The following RCOR3 variants were observed in gnomAD, a reference collection of about 807,000 sequenced individuals.
The protein encoded by RCOR3 is REST corepressor 3.
A neutral mutation model predicts 64.1 loss-of-function variants in RCOR3; 13 were observed. The ratio of observed to expected loss-of-function variants is 0.20; its 90% CI spans 0.13 to 0.32. RCOR3 has a LOEUF of 0.32. Ranked by LOEUF, RCOR3 falls within the 10% of genes least tolerant of loss-of-function variation. The pLI is 1.00. For synonymous variants in RCOR3, 215 were observed against 239.0 expected (o/e 0.90, Z 0.93); for missense variants, 489 against 701.2 (o/e 0.70, Z 3.42).
intron 10 of RCOR3, among the ~76,000 whole-genome samples, chr1:211,308,000 T>G (rs959656907): frequency 6.6e-6 from 1 of 150,566 alleles, no homozygotes; most frequent in African/African-American, 2.4e-5. Context: ...TTGTCTTCTC[T>G]CTTGTACTAA....
chr1:211,304,012 T>A (rs1571991944), intron 9 of RCOR3, 71 bp from the exon 10 acceptor site: 1 of 1,046,122 alleles, frequency 9.6e-7, no homozygotes, highest in East Asian at 2.5e-5. Flanking sequence ...GATGAAAATT[T>A]AAAAAAATAA....
intron 10 of RCOR3, among the ~76,000 whole-genome samples, chr1:211,304,442 G>A (rs986865540): frequency 6.6e-6 from 1 of 152,086 alleles, no homozygotes; most frequent in Non-Finnish European, 1.5e-5. Flanking sequence ...TCCTGCAGTT[G>A]GGTTCGTTCT....
rs1701856585 is a variant in RCOR3, at chr1:211,316,214, C to A, written c.*2446C>A. Reference sequence around the variant, plus strand: ...TTAAAATTACATAACTAAAAATAAACCACACTGTGGATACATCTTATAAAA... The same window carrying A: ...TTAAAATTACATAACTAAAAATAAAACACACTGTGGATACATCTTATAAAA... On this transcript the variant is annotated 3_prime_UTR_variant, in exon 12 of 12. Coordinates refer to ENST00000419091, the MANE Select transcript of RCOR3 (RefSeq NM_001136223.3). The A allele has an allele frequency of 1.3e-5, 2 of 152,048 alleles. No homozygotes were observed. Among genetic ancestry groups the A allele is most frequent in the Admixed American group, 6.5e-5 (1 of 15,276 alleles). 9.4% of individuals were successfully genotyped at this position (152,048 alleles called of 1,614,324 possible).
Position 211,313,469 on chromosome 1 carries a change from G to T in RCOR3, c.1363G>T (p.Ala455Ser), listed in dbSNP as rs776505207. 2 of 1,613,944 alleles carry T rather than the reference G, an allele frequency of 1.2e-6. No individual in the cohort carries two copies. Among genetic ancestry groups the T allele is most frequent in the South Asian group, 2.2e-5 (2 of 91,052 alleles). ...APRTLGPSPP[A>S]PSSTPTPTAP... The stretch of plus-strand genomic sequence containing the variant: ...TCGGACACTGGGTCCATCACCTCCT[G>T]CCCCATCATCCACTCCAACACCAAC... The change falls in exon 12 of 12, where the codon GCC (alanine) becomes TCC (serine). Residue 455 changes from alanine (A) to serine (S), a missense_variant. By Grantham distance (99) the Ala-to-Ser change is moderately conservative. Transcript: ENST00000419091. The surrounding 1 kb of genome is among the most constrained non-coding windows in gnomAD (Gnocchi z 4.7).
chr1:211,272,714 C>T (rs1032672013), intron 3 of RCOR3, among the ~76,000 whole-genome samples: 9 of 145,054 alleles, frequency 6.2e-5, no homozygotes, highest in African/African-American at 2.0e-4. Context: ...CTCCGCCTCC[C>T]GGGTTCACGC....
intron 7 of RCOR3, among the ~76,000 whole-genome samples, chr1:211,282,778 C>T (rs1247469630): frequency 1.3e-5 from 2 of 152,154 alleles, no homozygotes; most frequent in East Asian, 1.9e-4. Context: ...GGATTACAGG[C>T]GTGAGCCACC....
At chr1:211,267,954 A>C in intron 2 of RCOR3, 1 of 295,596 alleles carries the variant, frequency 3.4e-6, no homozygotes, top group Non-Finnish European at 6.6e-6. Flanking sequence ...TTGAGAAGGG[A>C]CATTTAATGA....
At chr1:211,300,653 T>G (rs748971508) in intron 9 of RCOR3, among the ~76,000 whole-genome samples, 1 of 152,228 alleles carries the variant, frequency 6.6e-6, no homozygotes, top group Non-Finnish European at 1.5e-5. Flanking sequence ...TTTACTGTGT[T>G]AAAGTCATAT....
Position 211,313,272 on chromosome 1 carries a change from A to C in RCOR3, c.1318-152A>C. Reference sequence around the variant, plus strand: ...GGTTTTTGGTTTTGTTTTGTTTAAAATAAAAGAAGCTTGTGCTTCCAATAA... The same window carrying C: ...GGTTTTTGGTTTTGTTTTGTTTAAACTAAAAGAAGCTTGTGCTTCCAATAA... On this transcript the variant is annotated intron_variant, in intron 11 of 11. Coordinates refer to ENST00000419091, the MANE Select transcript of RCOR3 (RefSeq NM_001136223.3). The surrounding 1 kb of genome is among the most constrained non-coding windows in gnomAD (Gnocchi z 4.7). The C allele has an allele frequency of 7.0e-7, 1 of 1,434,216 alleles. No homozygotes were observed. Among genetic ancestry groups the C allele is most frequent in the South Asian group, 1.5e-5 (1 of 64,576 alleles). 88.8% of individuals were successfully genotyped at this position (1,434,216 alleles called of 1,614,324 possible).
chr1:211,291,520 A>G, intron 8 of RCOR3: 1 of 455,760 alleles, frequency 2.2e-6, no homozygotes, highest in Non-Finnish European at 4.4e-6. Flanking sequence ...GGTACTATCC[A>G]CAGTTTCAGG....
chr1:211,301,496 C>T (rs1361558210), intron 9 of RCOR3: 1 of 152,154 alleles, frequency 6.6e-6, no homozygotes, highest in African/African-American at 2.4e-5. Flanking sequence ...TTTTACTACC[C>T]TTCCAAAAGT....
intron 3 of RCOR3, 64 bp from the exon 4 acceptor site, chr1:211,274,146 A>G: frequency 8.6e-7 from 1 of 1,168,506 alleles, no homozygotes; most frequent in Non-Finnish European, 1.2e-6. Flanking sequence ...GTTAAGAACA[A>G]AAGTAGACCT....
Position 211,313,616 on chromosome 1 carries a change from C to T in RCOR3, c.1510C>T (p.Pro504Ser), listed in dbSNP as rs898498248. 11 of 1,614,152 alleles carry T rather than the reference C, an allele frequency of 6.8e-6. No homozygotes were observed. The highest frequency in any genetic ancestry group is 1.6e-4 in the Middle Eastern group (1 of 6,062). ...QQQARFIQPR[P>S]TLNQPPPPLI... ...GCAGGCTCGGTTCATCCAGCCCCGGCCAACTTTAAATCAGCCTCCACCACC... is the reference window on the plus strand; with the variant it reads ...GCAGGCTCGGTTCATCCAGCCCCGGTCAACTTTAAATCAGCCTCCACCACC... The change falls in exon 12 of 12, where the codon CCA (proline) becomes TCA (serine). Residue 504 changes from proline (P) to serine (S), a missense_variant. By Grantham distance (74) the Pro-to-Ser change is moderately conservative. Transcript: ENST00000419091. The surrounding 1 kb of genome is among the most constrained non-coding windows in gnomAD (Gnocchi z 4.7).
At chr1:211,275,159 T>A (rs1313503772) in intron 4 of RCOR3, among the ~76,000 whole-genome samples, 1 of 151,912 alleles carries the variant, frequency 6.6e-6, no homozygotes, top group Admixed American at 6.6e-5. Flanking sequence ...TAAGTATTAT[T>A]TCAACCTTTA....
At chr1:211,275,805 A>ATTAC (rs147174761) in intron 4 of RCOR3, among the ~76,000 whole-genome samples, 4,237 of 152,314 alleles carry the variant, frequency 0.028, 206 homozygotes, top group African/African-American at 0.095. Flanking sequence ...TACACTTGTA[A>ATTAC]AAGATTAAAA....
chr1:211,273,293 A>G (rs533802638), intron 3 of RCOR3, among the ~76,000 whole-genome samples: 4 of 152,336 alleles, frequency 2.6e-5, no homozygotes, highest in South Asian at 4.1e-4. Context: ...GTTTTTAACA[A>G]CTATTTAGAG....
intron 10 of RCOR3, among the ~76,000 whole-genome samples, chr1:211,311,951 T>C (rs1040961797): frequency 6.6e-6 from 1 of 152,158 alleles, no homozygotes; most frequent in Non-Finnish European, 1.5e-5. Flanking sequence ...ACAATAAATA[T>C]CTCTTCTTAA....
At chr1:211,277,286 A>G (rs1218607337) in intron 5 of RCOR3, among the ~76,000 whole-genome samples, 1 of 151,996 alleles carries the variant, frequency 6.6e-6, no homozygotes, top group Non-Finnish European at 1.5e-5. Context: ...ACCTGAGTAG[A>G]TGAAAATTAG....
chr1:211,268,369 CTTTTTTTTTTT>C (rs756643084), intron 2 of RCOR3, among the ~76,000 whole-genome samples: 4 of 79,360 alleles, frequency 5.0e-5, no homozygotes, highest in Non-Finnish European at 9.9e-5. Context: ...TCTTTTCTTT[CTTTTTTTTTTT>C]TTTTTTTTTT....
Sources: gnomAD v4.1 joint callset for allele counts (sites outside exome capture counted in the v4.1 genomes callset) on GRCh38, gnomAD v4.1.1 for gene constraint, Gnocchi (gnomAD v3.1) non-coding constraint, MANE v1.5 for transcripts, NCBI Gene and HGNC (gene_info 2026-07-23, HGNC 2026-07-21) for gene names.